The following TTLL3 variants were observed in gnomAD, a reference collection of about 807,000 sequenced individuals.
TTLL3 encodes the protein tubulin tyrosine ligase like 3, also known as tubulin monoglycylase TTLL3.
A neutral mutation model predicts 75.2 loss-of-function variants in TTLL3; 63 were observed. The observed-to-expected ratio is 0.84, with a 90% CI of 0.68 to 1.03. The LOEUF (loss-of-function observed/expected upper bound fraction) is 1.03, where lower values mean the gene tolerates loss of function less well. Ranked by LOEUF, TTLL3 falls within the 50% of genes least tolerant of loss-of-function variation. The probability of loss-of-function intolerance (pLI) is 0.00; values close to 1 mark genes in which losing one functional copy is unlikely to be tolerated. For missense variants in TTLL3, 997 were observed against 1,069.9 expected, an observed-to-expected ratio of 0.93 and a Z score of 0.95; for synonymous variants, 393 against 418.5, an observed-to-expected ratio of 0.94 and a Z score of 0.74.
chr3:9,828,708 C>G (rs1050761986), intron 10 of TTLL3: 14 of 550,704 alleles, frequency 2.5e-5, no homozygotes, highest in African/African-American at 2.4e-4. Flanking sequence ...AGACTATGCA[C>G]AAAGCACTTA....
intron 9 of TTLL3, among the ~76,000 whole-genome samples, chr3:9,826,633 T>C (rs965511226): frequency 2.0e-5 from 3 of 147,802 alleles, no homozygotes; most frequent in African/African-American, 5.1e-5. Context: ...CTCGGGAGGC[T>C]GAGGCAGGAG....
intron 4 of TTLL3, among the ~76,000 whole-genome samples, chr3:9,814,229 G>A (rs1242753676): frequency 1.3e-5 from 2 of 152,140 alleles, no homozygotes; most frequent in African/African-American, 2.4e-5. Context: ...CCAGCTACTC[G>A]GGAAGCTGAG....
chr3:9,810,765 T>A lies in TTLL3; in HGVS notation c.48+56T>A. 1 of 1,468,954 alleles carries A rather than the reference T, an allele frequency of 6.8e-7. No homozygotes were observed. Among genetic ancestry groups the A allele is most frequent in the Admixed American group, 2.5e-5 (1 of 39,624 alleles). The allele number at this position is 1,468,954 out of a possible 1,614,324, so 91.0% of individuals were successfully genotyped here. A position where few individuals can be genotyped will look rare whatever the true frequency, so the allele number is the denominator to read the frequency against. ...GGCCCTGGGAGCGGCTCAGCCTGTC[T>A]CCCTGCGCTGTTTTCTTATATCCTT... On this transcript the variant is annotated intron_variant, in intron 2 of 13. Transcript: ENST00000685419. The surrounding 1 kb of genome is among the most constrained non-coding windows in gnomAD (Gnocchi z 4.4).
intron 11 of TTLL3, among the ~76,000 whole-genome samples, chr3:9,830,995 G>T (rs1304790058): frequency 6.6e-6 from 1 of 152,072 alleles, no homozygotes; most frequent in East Asian, 1.9e-4. Context: ...TAGAGATGGG[G>T]TTTCACCATG....
chr3:9,825,554 G>T lies in TTLL3; in HGVS notation c.855-246G>T, dbSNP rs868842547. 1.4e-5 allele frequency: 8 copies of T among 579,726 alleles called. No individual in the cohort carries two copies. In the Admixed American group the frequency reaches 2.2e-4, roughly 16 times the overall value. 35.9% of individuals were successfully genotyped at this position (579,726 alleles called of 1,614,324 possible). A position where few individuals can be genotyped will look rare whatever the true frequency, so the allele number is the denominator to read the frequency against. ...TGGCACAGGTGGAGTGTTGGAGTAG[G>T]GGGTGGTTTGCAGTTAATGGAATTT... On this transcript the variant is annotated intron_variant, in intron 8 of 13. Transcript: ENST00000685419.
In TTLL3 at chr3:9,813,232, G is replaced by C. The variant is rs1481638428; in HGVS notation, c.218-16G>C. The C allele has an allele frequency of 6.2e-7, 1 of 1,614,124 alleles. No homozygotes were observed. Among genetic ancestry groups the C allele is most frequent in the Non-Finnish European group, 8.5e-7 (1 of 1,179,960 alleles). ...AGGGAGAGGAAACTCATCAGCTCTGGGCTCTGCATCCACAGAGGATGAAGA... is the reference window on the plus strand; with the variant it reads ...AGGGAGAGGAAACTCATCAGCTCTGCGCTCTGCATCCACAGAGGATGAAGA... On this transcript the variant is annotated splice_polypyrimidine_tract_variant and intron_variant, in intron 3 of 13. Coordinates refer to ENST00000685419, the MANE Select transcript of TTLL3 (RefSeq NM_001387446.1).
rs1280813520 is a variant in TTLL3, at chr3:9,820,611, GCT to G, written c.727_728del (p.Leu243ValfsTer8). ...VLVSPEFVDE[A>X]LCACEEYLSN... is the part of the protein sequence containing the mutation. Reference sequence around the variant, plus strand: ...GGTGTCCCCAGAGTTTGTGGATGAAGCTCTGTGTGCGTGCGAGGAGTACCTTA... The same window carrying G: ...GGTGTCCCCAGAGTTTGTGGATGAAGCTGTGTGCGTGCGAGGAGTACCTTA... On this transcript the variant is annotated frameshift_variant, in exon 8 of 14. Transcript: ENST00000685419. LOFTEE classifies it high-confidence loss of function. The G allele has an allele frequency of 6.2e-7, 1 of 1,614,020 alleles. No homozygotes were observed. Among genetic ancestry groups the G allele is most frequent in the Non-Finnish European group, 8.5e-7 (1 of 1,180,020 alleles).
chr3:9,817,874 G>A (rs1328016400), intron 6 of TTLL3, 115 bp downstream of exon 6: 1 of 1,365,242 alleles, frequency 7.3e-7, no homozygotes, highest in Non-Finnish European at 1.0e-6. Context: ...GCCTGCCCCA[G>A]CAGATTTCCC....
At chr3:9,813,223 T>A (rs758631050) in intron 3 of TTLL3, 25 bp from the exon 4 acceptor site, 21 of 1,614,050 alleles carry the variant, frequency 1.3e-5, no homozygotes, top group Non-Finnish European at 1.8e-5. Context: ...AGGAAACTCA[T>A]CAGCTCTGGG....
In TTLL3 at chr3:9,836,077, A is replaced by AGG. The variant is rs35556633; in HGVS notation, c.*589_*590dup. ...GTTATCCCAGCACTTTGAGAGGCCA[A>AGG]GGCAGGAGATCGCTTGAGCCCGCAA... On this transcript the variant is annotated 3_prime_UTR_variant, in exon 14 of 14. Coordinates refer to ENST00000685419, the MANE Select transcript of TTLL3 (RefSeq NM_001387446.1). The AGG allele has an allele frequency of 0.48, 72,320 of 151,864 alleles. 17,993 individuals are homozygous for AGG. The highest frequency in any genetic ancestry group is 0.54 in the Non-Finnish European group (36,814 of 67,946). The allele number at this position is 151,864 out of a possible 1,614,324, so 9.4% of individuals were successfully genotyped here. A position where few individuals can be genotyped will look rare whatever the true frequency, so the allele number is the denominator to read the frequency against.
rs36060940 is a variant in TTLL3 at position 9,826,725 on chromosome 3, C to CAAA, written c.1004-251_1004-249dup. On this transcript the variant is annotated intron_variant, in intron 9 of 13. Transcript: ENST00000685419. ...TCCAGCCTAGGTGACAGGGCTGTCT[C>CAAA]AAAAAAAAAAAAAAAAAAAAAAAGT... Among the ~76,000 whole-genome samples the CAAA allele has an allele frequency of 6.6e-3, 493 of 75,238 alleles. 3 individuals carry two copies. Among genetic ancestry groups the CAAA allele is most frequent in the African/African-American group, 0.025 (475 of 19,346 alleles). 49.4% of individuals were successfully genotyped at this position (75,238 alleles called of 152,430 possible).
At chr3:9,825,987 C>CAG in intron 9 of TTLL3, 39 bp downstream of exon 9, 1 of 1,602,840 alleles carries the variant, frequency 6.2e-7, no homozygotes, top group Non-Finnish European at 8.5e-7. Flanking sequence ...GGCACCTCAC[C>CAG]ACCTGCATCT....
intron 8 of TTLL3, chr3:9,825,278 C>A (rs1344099867): frequency 5.7e-6 from 1 of 174,454 alleles, no homozygotes; most frequent in African/African-American, 2.5e-5. Flanking sequence ...TTCCTGGCTG[C>A]ACTGAGCCGT....
At chr3:9,834,362 C>G (rs2081889258) in intron 12 of TTLL3, 2 of 558,470 alleles carry the variant, frequency 3.6e-6, no homozygotes, top group Non-Finnish European at 6.8e-6. Flanking sequence ...ATACCGCTAC[C>G]TGCCCAGCTC....
chr3:9,835,585 T>C lies in TTLL3; in HGVS notation c.*96T>C, dbSNP rs772821956. ...TTAGGGACTCCCCCAGCATCTCCGA[T>C]CCAGGGGTGGGGAGCGTGAGCCTTC... is the stretch of plus-strand genomic sequence containing the variant. On this transcript the variant is annotated 3_prime_UTR_variant, in exon 14 of 14. Coordinates refer to ENST00000685419, the MANE Select transcript of TTLL3 (RefSeq NM_001387446.1). 32 of 1,254,920 alleles carry C rather than the reference T, an allele frequency of 2.5e-5. No homozygotes were observed. The highest frequency in any genetic ancestry group is 3.5e-5 in the Non-Finnish European group (32 of 914,166). 77.7% of individuals were successfully genotyped at this position (1,254,920 alleles called of 1,614,324 possible).
intron 6 of TTLL3, 40 bp downstream of exon 6, chr3:9,817,799 AC>A: frequency 6.2e-7 from 1 of 1,613,330 alleles, no homozygotes; most frequent in Non-Finnish European, 8.5e-7. Flanking sequence ...CCTCAGGCTG[AC>A]AGAGCAGGGC....
intron 11 of TTLL3, among the ~76,000 whole-genome samples, chr3:9,832,411 C>T (rs928299969): frequency 1.9e-4 from 29 of 152,056 alleles, no homozygotes; most frequent in African/African-American, 6.8e-4. Context: ...TAACAAGCTC[C>T]AAGTAATTCT....
chr3:9,827,118 C>T lies in TTLL3; in HGVS notation c.1125C>T (p.Gly375=). ...KYIERPLLIF[G]TKFDLRQWFL... ...TTGAGCGGCCCCTCCTCATCTTTGGCACCAAGTTTGACCTCAGACAGTGGT... is the reference window on the plus strand; with the variant it reads ...TTGAGCGGCCCCTCCTCATCTTTGGTACCAAGTTTGACCTCAGACAGTGGT... Residue 375 remains glycine, a synonymous_variant, in exon 10 of 14, where the codon GGC becomes GGT. Coordinates refer to ENST00000685419, the MANE Select transcript of TTLL3 (RefSeq NM_001387446.1). The T allele has an allele frequency of 6.2e-7, 1 of 1,614,228 alleles. No homozygotes were observed. Among genetic ancestry groups the T allele is most frequent in the South Asian group, 1.1e-5 (1 of 91,090 alleles).
chr3:9,812,900 T>G (rs1347477707), intron 2 of TTLL3, 43 bp from the exon 3 acceptor site: 1 of 1,449,380 alleles, frequency 6.9e-7, no homozygotes, highest in African/African-American at 1.4e-5. Flanking sequence ...GTCTGGCACT[T>G]ATGCAATACT....
Sources: gnomAD v4.1 joint callset for allele counts (sites outside exome capture counted in the v4.1 genomes callset) on GRCh38, gnomAD v4.1.1 for gene constraint, Gnocchi (gnomAD v3.1) non-coding constraint, MANE v1.5 for transcripts, NCBI Gene and HGNC (gene_info 2026-07-23, HGNC 2026-07-21) for gene names.